The following SCOC variants were observed in gnomAD, a reference collection of about 807,000 sequenced individuals.
SCOC encodes short coiled coil protein.
In SCOC, 7 loss-of-function variants were observed where a neutral mutation model predicts 9.9. The observed-to-expected ratio is 0.71, with a 90% CI of 0.40 to 1.33. The LOEUF (loss-of-function observed/expected upper bound fraction) is 1.33. SCOC is among the 40% of genes most tolerant of loss of function. The pLI is 0.01. For synonymous variants in SCOC, 19 were observed against 28.2 expected (o/e 0.67, Z 1.03); for missense variants, 66 against 89.7 (o/e 0.74, Z 1.07).
upstream of SCOC, among the ~76,000 whole-genome samples, chr4:140,342,343 T>A (rs1163871550): frequency 6.6e-6 from 1 of 150,392 alleles, no homozygotes; most frequent in East Asian, 1.9e-4. Context: ...CTGCATATAT[T>A]TTTTTCCCTT....
intron 1 of SCOC, among the ~76,000 whole-genome samples, chr4:140,320,756 G>A (rs150749435): frequency 2.1e-3 from 322 of 152,296 alleles, no homozygotes; most frequent in Non-Finnish European, 3.4e-3. Flanking sequence ...TCTGCAAAGG[G>A]AAGTTGGTCA....
intron 1 of SCOC, among the ~76,000 whole-genome samples, chr4:140,335,505 C>T (rs981088811): frequency 6.6e-6 from 1 of 152,212 alleles, no homozygotes; most frequent in African/African-American, 2.4e-5. Context: ...CCAATTTGCA[C>T]TAATTTGTCA....
At chr4:140,323,035 C>T (rs1732545926) in intron 1 of SCOC, among the ~76,000 whole-genome samples, 1 of 152,032 alleles carries the variant, frequency 6.6e-6, no homozygotes, top group African/African-American at 2.4e-5. Context: ...TACATAAAAT[C>T]AATGAAACCA....
intron 1 of SCOC, among the ~76,000 whole-genome samples, chr4:140,328,972 A>G (rs565116735): frequency 1.2e-3 from 185 of 152,296 alleles, no homozygotes; most frequent in Non-Finnish European, 2.3e-3. Flanking sequence ...TATGGAACCA[A>G]AAAGAGCCCA....
chr4:140,362,110 TTC>T (rs1457258887), intron 2 of SCOC, among the ~76,000 whole-genome samples: 1 of 151,770 alleles, frequency 6.6e-6, no homozygotes, highest in East Asian at 2.0e-4. Flanking sequence ...TTCTTTAGTT[TTC>T]TGCCTTCACT....
At chr4:140,267,166 G>A (rs1730747179) in intron 1 of SCOC, among the ~76,000 whole-genome samples, 1 of 152,224 alleles carries the variant, frequency 6.6e-6, no homozygotes, top group Admixed American at 6.5e-5. Context: ...AGTCAAATCG[G>A]TAAAGACACT....
At chr4:140,308,630 C>A (rs1337121358) in intron 1 of SCOC, among the ~76,000 whole-genome samples, 1 of 152,170 alleles carries the variant, frequency 6.6e-6, no homozygotes, top group Non-Finnish European at 1.5e-5. Flanking sequence ...CTGCAGCTTG[C>A]CGGCTTGTCT....
intron 2 of SCOC, among the ~76,000 whole-genome samples, chr4:140,362,302 T>TTCTTCTTCTTCTTCTTCTTCTTCTTCTTC (rs1727582964): frequency 7.2e-5 from 2 of 27,844 alleles, no homozygotes; most frequent in Admixed American, 3.1e-4. Flanking sequence ...TCTTCTTCTT[T>TTCTTCTTCTTCTTCTTCTTCTTCTTCTTC]TTTTTTTTTT....
At chr4:140,360,734 G>A (rs1453090399) in intron 2 of SCOC, 4 of 152,228 alleles carry the variant, frequency 2.6e-5, no homozygotes, top group African/African-American at 9.6e-5. Flanking sequence ...TTCAGGCACT[G>A]TGCTTGGCAG....
chr4:140,328,909 G>T (rs555198837), intron 1 of SCOC, among the ~76,000 whole-genome samples: 28 of 152,068 alleles, frequency 1.8e-4, no homozygotes, highest in Non-Finnish European at 3.8e-4. Context: ...AGCCCTCAAG[G>T]CTTCAAAAAG....
chr4:140,368,147 G>A (rs962621609), intron 2 of SCOC, among the ~76,000 whole-genome samples: 2 of 152,180 alleles, frequency 1.3e-5, no homozygotes, highest in African/African-American at 2.4e-5. Flanking sequence ...GCAAAGAATG[G>A]AATGAATTCA....
At chr4:140,268,611 G>A (rs1184157049) in intron 1 of SCOC, among the ~76,000 whole-genome samples, 1 of 152,128 alleles carries the variant, frequency 6.6e-6, no homozygotes, top group Non-Finnish European at 1.5e-5. Flanking sequence ...CTGCTGCTGA[G>A]GTCATCATTT....
chr4:140,319,718 T>C (rs1732442042), intron 1 of SCOC, among the ~76,000 whole-genome samples: 1 of 151,870 alleles, frequency 6.6e-6, no homozygotes, highest in Admixed American at 6.6e-5. Context: ...CTCGGAGATT[T>C]AAGAGGTTAG....
At chr4:140,368,796 T>C (rs1365426323), upstream of SCOC, among the ~76,000 whole-genome samples, 4 of 152,194 alleles carry the variant, frequency 2.6e-5, no homozygotes, top group Non-Finnish European at 4.4e-5. Context: ...AGGGTGAACA[T>C]AGAGTAGCTA....
At position 140,384,913 on chromosome 4, in the gene SCOC, TTAA is replaced by T. The variant is rs1728658401; in HGVS notation, c.*3810_*3812del. ...AACCCTCATGAATGGGATTGTGTCA[TTAA>T]AAGAAACCCCAGAGAGCTCTCTTTC... On this transcript the variant is annotated 3_prime_UTR_variant, in exon 4 of 4. Transcript: ENST00000608372. The T allele has an allele frequency of 1.3e-5, 2 of 152,144 alleles. No individual in the cohort carries two copies. The highest frequency in any genetic ancestry group is 1.3e-4 in the Admixed American group (2 of 15,274). The allele number at this position is 152,144 out of a possible 1,614,324, so 9.4% of individuals were successfully genotyped here.
chr4:140,314,993 G>A (rs1168757629), intron 1 of SCOC, among the ~76,000 whole-genome samples: 1 of 152,154 alleles, frequency 6.6e-6, no homozygotes. Context: ...GAACCCAAAA[G>A]AATCTAACAT....
intron 1 of SCOC, among the ~76,000 whole-genome samples, chr4:140,333,029 T>C: frequency 6.9e-6 from 1 of 144,662 alleles, no homozygotes; most frequent in Non-Finnish European, 1.5e-5. Context: ...GGTCAGTCCC[T>C]GATATATTTC....
At chr4:140,300,848 A>T (rs1439586265) in intron 1 of SCOC, among the ~76,000 whole-genome samples, 2 of 152,206 alleles carry the variant, frequency 1.3e-5, no homozygotes, top group Non-Finnish European at 2.9e-5. Context: ...CAAGTACAAC[A>T]TGTGTGTATA....
At chr4:140,380,917 T>C in intron 3 of SCOC, 45 bp from the exon 4 acceptor site, 1 of 1,350,498 alleles carries the variant, frequency 7.4e-7, no homozygotes, top group African/African-American at 1.5e-5. Flanking sequence ...TATGGAATCA[T>C]TGTCATTGTT....
Sources: gnomAD v4.1 joint callset for allele counts (sites outside exome capture counted in the v4.1 genomes callset) on GRCh38, gnomAD v4.1.1 for gene constraint, MANE v1.5 for transcripts, NCBI Gene and HGNC (gene_info 2026-07-23, HGNC 2026-07-21) for gene names.